BPIFB3: variants seen among roughly 807,000 people sequenced by gnomAD.
BPIFB3 encodes BPI fold containing family B member 3.
A neutral mutation model predicts 53.1 loss-of-function variants in BPIFB3; 49 were observed. The observed-to-expected ratio is 0.92, with a 90% CI of 0.73 to 1.17. BPIFB3 has a LOEUF of 1.17. BPIFB3 is among the 50% of genes most tolerant of loss of function. The pLI is 0.00. For missense variants in BPIFB3, 628 were observed against 592.5 expected (o/e 1.06, Z -0.62); for synonymous variants, 271 against 269.6 (o/e 1.01, Z -0.05).
chr20:33,073,437 T>C, intron 14 of BPIFB3, 139 bp from the exon 16 acceptor site: 2 of 810,878 alleles, frequency 2.5e-6, no homozygotes, highest in Non-Finnish European at 2.0e-6. Context: ...CATTTTTTCA[T>C]CATTCATTTA....
At chr20:33,059,868 A>G (rs2146382213) in intron 3 of BPIFB3, 23 bp from the exon 5 acceptor site, 1 of 1,611,366 alleles carries the variant, frequency 6.2e-7, no homozygotes. Flanking sequence ...GCCTGGCCAC[A>G]CCCCCAGTGT....
chr20:33,058,256 T>G (rs1980301666), intron 2 of BPIFB3, among the ~76,000 whole-genome samples: 1 of 152,170 alleles, frequency 6.6e-6, no homozygotes, highest in African/African-American at 2.4e-5. Context: ...TGATGGGTGT[T>G]CACTTCCCTA....
Position 33,056,532 on chromosome 20 carries a change from C to G in BPIFB3, c.125-10C>G, listed in dbSNP as rs760169271. ...TTTCTAGTACCTTCCTACTTCCACT[C>G]TCTCTGCAGCCATCCAGAACTCACT... On this transcript the variant is annotated splice_polypyrimidine_tract_variant and intron_variant, in intron 1 of 14. Coordinates refer to ENST00000375494, the Ensembl canonical transcript of BPIFB3. 2 of 1,613,724 alleles carry G rather than the reference C, an allele frequency of 1.2e-6. No individual in the cohort carries two copies. The highest frequency in any genetic ancestry group is 1.7e-5 in the Admixed American group (1 of 60,018).
intron 12 of BPIFB3, among the ~76,000 whole-genome samples, chr20:33,071,795 C>T (rs1005530569): frequency 6.6e-6 from 1 of 152,182 alleles, no homozygotes; most frequent in Non-Finnish European, 1.5e-5. Context: ...GAGCTGGGCA[C>T]ATTTCCTTCC....
At chr20:33,066,199 C>G (rs1980665427) in intron 8 of BPIFB3, among the ~76,000 whole-genome samples, 1 of 152,106 alleles carries the variant, frequency 6.6e-6, no homozygotes, top group Admixed American at 6.6e-5. Flanking sequence ...AGTTAGCAGC[C>G]TGATGGGACT....
At chr20:33,057,334 G>C (rs138572184) in intron 2 of BPIFB3, among the ~76,000 whole-genome samples, 1 of 151,908 alleles carries the variant, frequency 6.6e-6, no homozygotes, top group Non-Finnish European at 1.5e-5. Context: ...GATTACAGGC[G>C]CCCACCACCA....
intron 12 of BPIFB3, among the ~76,000 whole-genome samples, 153 bp downstream of exon 13, chr20:33,071,448 C>T (rs746069094): frequency 1.3e-5 from 2 of 151,610 alleles, no homozygotes; most frequent in Admixed American, 6.6e-5. Flanking sequence ...AATATCAGGG[C>T]GGGTGTGCGT....
chr20:33,069,675 A>G (rs1202473227), intron 10 of BPIFB3, among the ~76,000 whole-genome samples: 1 of 152,144 alleles, frequency 6.6e-6, no homozygotes, highest in Non-Finnish European at 1.5e-5. Flanking sequence ...CCTCTCCTAC[A>G]TTACCAATTG....
At chr20:33,055,141 T>C (rs528858601), upstream of BPIFB3, among the ~76,000 whole-genome samples, 1 of 152,286 alleles carries the variant, frequency 6.6e-6, no homozygotes, top group African/African-American at 2.4e-5. Context: ...CTTGGTCTAG[T>C]CCCCTACCCC....
chr20:33,057,568 T>C (rs1018799262), intron 2 of BPIFB3, among the ~76,000 whole-genome samples: 4 of 152,326 alleles, frequency 2.6e-5, no homozygotes, highest in African/African-American at 9.6e-5. Context: ...AGAACACTGT[T>C]ACCAGGTTCT....
chr20:33,054,765 C>T (rs962604632), upstream of BPIFB3, among the ~76,000 whole-genome samples: 11 of 152,144 alleles, frequency 7.2e-5, no homozygotes, highest in African/African-American at 2.2e-4. Context: ...TGGGCAAATA[C>T]GGAACTGCTT....
chr20:33,057,367 T>G (rs1429179828), intron 2 of BPIFB3, among the ~76,000 whole-genome samples: 14 of 151,900 alleles, frequency 9.2e-5, no homozygotes, highest in Non-Finnish European at 2.1e-4. Context: ...TTTTGTAGTT[T>G]TAGTAGAGAA....
chr20:33,069,583 G>C (rs1405050133), intron 10 of BPIFB3, among the ~76,000 whole-genome samples: 3 of 152,122 alleles, frequency 2.0e-5, no homozygotes, highest in East Asian at 3.9e-4. Flanking sequence ...AGATTCAACT[G>C]TTACCTCACT....
In BPIFB3 at chr20:33,068,706, G is replaced by A. The variant is rs186766926; in HGVS notation, c.979-97G>A. On this transcript the variant is annotated intron_variant, in intron 9 of 14. Transcript: ENST00000375494. ...AGGCTGTAACCTCGTTGCCCAGCAC[G>A]TTGCCCAGTGCCTGGTAGGTGCTTA... 1.4e-4 allele frequency: 174 copies of A among 1,281,788 alleles called. No individual in the cohort carries two copies. The African/African-American group carries it at 1.9e-3, about 14-fold the overall frequency. 79.4% of individuals were successfully genotyped at this position (1,281,788 alleles called of 1,614,324 possible). A position where few individuals can be genotyped will look rare whatever the true frequency, so the allele number is the denominator to read the frequency against.
intron 11 of BPIFB3, among the ~76,000 whole-genome samples, chr20:33,070,687 T>G (rs1036457325): frequency 9.8e-5 from 15 of 152,316 alleles, no homozygotes; most frequent in African/African-American, 3.6e-4. Flanking sequence ...GACTCCGTCT[T>G]AGCACCCCCA....
chr20:33,054,581 A>G (rs917391129), upstream of BPIFB3, among the ~76,000 whole-genome samples: 7 of 152,140 alleles, frequency 4.6e-5, no homozygotes, highest in Admixed American at 3.9e-4. Flanking sequence ...CCGCATGTGC[A>G]AAGGCCCTGG....
In BPIFB3 at chr20:33,068,884, A is replaced by G. The variant is rs142099629; in HGVS notation, c.1060A>G (p.Lys354Glu). 320 of 1,613,956 alleles carry G rather than the reference A, an allele frequency of 2.0e-4. No homozygotes were observed. Among genetic ancestry groups the G allele is most frequent in the Non-Finnish European group, 2.6e-4 (304 of 1,179,920 alleles). Residue 354 changes from lysine to glutamate, a missense_variant, in exon 10 of 15, where the codon AAG becomes GAG. By Grantham distance (56) the Lys-to-Glu change is moderately conservative (BLOSUM62 1). Transcript: ENST00000375494. ...AGCTCCCACGGTCACACTCCACAACAAGAAGGCCTTGGTCTCCCTCCCAGC... is the reference window on the plus strand; with the variant it reads ...AGCTCCCACGGTCACACTCCACAACGAGAAGGCCTTGGTCTCCCTCCCAGC...
At chr20:33,056,506 G>A (rs893761090) in intron 1 of BPIFB3, 36 bp from the exon 3 acceptor site, 1 of 1,611,946 alleles carries the variant, frequency 6.2e-7, no homozygotes, top group African/African-American at 1.3e-5. Context: ...TGAGGTTGGA[G>A]TTTCTAGTAC....
At chr20:33,060,711 G>A (rs995410301) in intron 4 of BPIFB3, among the ~76,000 whole-genome samples, 18 of 151,840 alleles carry the variant, frequency 1.2e-4, no homozygotes, top group African/African-American at 3.1e-4. Flanking sequence ...CTGGGATTAC[G>A]GGCGCCCACC....
Sources: gnomAD v4.1 joint callset for allele counts (sites outside exome capture counted in the v4.1 genomes callset) on GRCh38, gnomAD v4.1.1 for gene constraint, MANE v1.5 for transcripts, NCBI Gene and HGNC (gene_info 2026-07-23, HGNC 2026-07-21) for gene names.